The following CREB3L2 variants were observed in gnomAD, a reference collection of about 807,000 sequenced individuals.
CREB3L2 encodes the protein cyclic AMP-responsive element-binding protein 3-like protein 2.
Under a neutral mutation model 57.2 loss-of-function variants are expected in CREB3L2, and 23 were observed. The ratio of observed to expected loss-of-function variants is 0.40; its 90% CI spans 0.29 to 0.57. The LOEUF (loss-of-function observed/expected upper bound fraction) is 0.57, where lower values mean the gene tolerates loss of function less well. CREB3L2 is among the 20% of genes least tolerant of loss of function. The pLI is 0.42. For synonymous variants in CREB3L2, 268 were observed against 265.1 expected (o/e 1.01, Z -0.11); for missense variants, 628 against 634.7 (o/e 0.99, Z 0.11).
chr7:137,920,657 A>G (rs1800254336), intron 2 of CREB3L2, among the ~76,000 whole-genome samples: 1 of 152,242 alleles, frequency 6.6e-6, no homozygotes, highest in Non-Finnish European at 1.5e-5. Flanking sequence ...CATTTCCAAA[A>G]TAATTCTCTA....
intron 1 of CREB3L2, among the ~76,000 whole-genome samples, chr7:137,994,664 G>A (rs1801956766): frequency 6.6e-6 from 1 of 152,100 alleles, no homozygotes; most frequent in Non-Finnish European, 1.5e-5. Flanking sequence ...AACTTTGCTG[G>A]GCCGGACGTG....
intron 4 of CREB3L2, chr7:137,912,694 G>A (rs747871180): frequency 1.9e-5 from 13 of 694,228 alleles, no homozygotes; most frequent in South Asian, 1.4e-4. Flanking sequence ...TCTCTTGTTC[G>A]ATAGTGTTTG....
Position 137,928,244 on chromosome 7 carries a change from A to G in CREB3L2, c.225T>C (p.Pro75=). The G allele has an allele frequency of 6.2e-7, 1 of 1,612,876 alleles. No homozygotes were observed. Among genetic ancestry groups the G allele is most frequent in the Non-Finnish European group, 8.5e-7 (1 of 1,179,498 alleles). The change falls in exon 2 of 12, where the codon CCT becomes CCC. Residue 75 remains proline (P), a synonymous_variant. Transcript: ENST00000330387. The part of the protein sequence containing the change: ...EVEPSPTSPA[P]LIQAEHSYSL... ...AGTAGCTGTGCTCAGCCTGGATGAG[A>G]GGCGCCGGGGACGTCGGGGAAGGTT...
chr7:137,949,338 G>A lies in CREB3L2; in HGVS notation c.103-20972C>T, dbSNP rs75424786. Among the ~76,000 whole-genome samples the A allele has an allele frequency of 8.5e-3, 1,300 of 152,262 alleles. 14 individuals carry two copies. Among genetic ancestry groups the A allele is most frequent in the African/African-American group, 0.027 (1,142 of 41,556 alleles). ...AAAAGAACATGTCAGAAACTGTGTC[G>A]TTGTAAGGTGTAAGCCAGATCTCAA... On this transcript the variant is annotated intron_variant, in intron 1 of 11. Coordinates refer to ENST00000330387, the MANE Select transcript of CREB3L2 (RefSeq NM_194071.4).
At chr7:137,968,183 T>C (rs148891826) in intron 1 of CREB3L2, among the ~76,000 whole-genome samples, 14 of 151,970 alleles carry the variant, frequency 9.2e-5, no homozygotes, top group Non-Finnish European at 1.9e-4. Context: ...ACAGCTGATG[T>C]TGCCCTGGAC....
intron 1 of CREB3L2, among the ~76,000 whole-genome samples, chr7:137,943,060 G>T (rs1403455714): frequency 6.6e-6 from 1 of 152,120 alleles, no homozygotes; most frequent in African/African-American, 2.4e-5. Context: ...GAACCAAAAC[G>T]CTTGGGTTTT....
intron 3 of CREB3L2, among the ~76,000 whole-genome samples, chr7:137,913,932 C>T (rs1800069614): frequency 6.6e-6 from 1 of 152,078 alleles, no homozygotes; most frequent in Non-Finnish European, 1.5e-5. Flanking sequence ...GGTCTCTTAT[C>T]CCAGTTCAGC....
intron 1 of CREB3L2, among the ~76,000 whole-genome samples, chr7:137,979,860 A>G (rs1801682188): frequency 6.6e-6 from 1 of 152,242 alleles, no homozygotes; most frequent in African/African-American, 2.4e-5. Context: ...AAATGGAGAC[A>G]GCAGGGAGCC....
At chr7:137,907,771 G>A (rs1052715751) in intron 5 of CREB3L2, among the ~76,000 whole-genome samples, 1 of 152,192 alleles carries the variant, frequency 6.6e-6, no homozygotes, top group African/African-American at 2.4e-5. Context: ...TCTGGGTTAA[G>A]AGTCATATGA....
At chr7:137,978,593 G>C (rs148169996) in intron 1 of CREB3L2, among the ~76,000 whole-genome samples, 2 of 152,152 alleles carry the variant, frequency 1.3e-5, no homozygotes, top group African/African-American at 4.8e-5. Flanking sequence ...ATGTCATATC[G>C]TTTTCAAATA....
At chr7:137,923,035 G>A (rs1800370954) in intron 2 of CREB3L2, among the ~76,000 whole-genome samples, 1 of 152,114 alleles carries the variant, frequency 6.6e-6, no homozygotes, top group South Asian at 2.1e-4. Flanking sequence ...TCTCCCCCTG[G>A]CCCGTTCCTG....
chr7:137,908,309 T>A lies in CREB3L2; in HGVS notation c.711A>T (p.Arg237Ser), dbSNP rs761706677. 7.9e-7 allele frequency: 1 copy of A among 1,257,868 alleles called. No individual in the cohort carries two copies. The highest frequency in any genetic ancestry group is 1.0e-6 in the Non-Finnish European group (1 of 992,468). 77.9% of individuals were successfully genotyped at this position (1,257,868 alleles called of 1,614,324 possible). ...GGGCGGAGGGGGCCCGGGGTGCAGC[T>A]CTGGAGGGGCTGTGGGTCTGAGGCA... ...FSLPQTHSPS[R>S]AAPRAPSALS... The change falls in exon 5 of 12, where the codon AGA becomes AGT. Residue 237 changes from arginine to serine, a missense_variant. Physicochemically the swap from Arg to Ser is moderately radical, Grantham distance 110. Coordinates refer to ENST00000330387, the MANE Select transcript of CREB3L2 (RefSeq NM_194071.4).
At chr7:137,986,791 T>G (rs1318763120) in intron 1 of CREB3L2, among the ~76,000 whole-genome samples, 2 of 152,244 alleles carry the variant, frequency 1.3e-5, no homozygotes, top group Non-Finnish European at 2.9e-5. Context: ...AAGGAAACAC[T>G]GGATTTCGAC....
At chr7:137,885,357 G>A (rs1799392903) in intron 9 of CREB3L2, 46 bp downstream of exon 9, 1 of 1,506,702 alleles carries the variant, frequency 6.6e-7, no homozygotes, top group South Asian at 1.1e-5. Context: ...GGGAGACAGG[G>A]GCCAGGCCAG....
intron 1 of CREB3L2, among the ~76,000 whole-genome samples, chr7:137,962,986 T>A (rs1801350852): frequency 6.6e-6 from 1 of 152,254 alleles, no homozygotes; most frequent in Non-Finnish European, 1.5e-5. Flanking sequence ...TTTTGGATAC[T>A]GATCTGACAT....
chr7:137,972,245 C>T (rs1233554841), intron 1 of CREB3L2, among the ~76,000 whole-genome samples: 1 of 151,878 alleles, frequency 6.6e-6, no homozygotes, highest in Non-Finnish European at 1.5e-5. Flanking sequence ...TCGAGACCAG[C>T]CTGGCCAACA....
chr7:137,895,957 G>C (rs1799620605), intron 8 of CREB3L2, among the ~76,000 whole-genome samples: 6 of 152,174 alleles, frequency 3.9e-5, no homozygotes, highest in African/African-American at 1.4e-4. Context: ...AGCATCAACA[G>C]GAACACACAC....
At chr7:137,926,278 A>ACG (rs1473421389) in intron 2 of CREB3L2, among the ~76,000 whole-genome samples, 4 of 152,188 alleles carry the variant, frequency 2.6e-5, no homozygotes, top group African/African-American at 9.7e-5. Context: ...AGACACATGC[A>ACG]CGCGTATGTT....
At chr7:137,909,277 T>C (rs1267177580) in intron 4 of CREB3L2, among the ~76,000 whole-genome samples, 1 of 152,148 alleles carries the variant, frequency 6.6e-6, no homozygotes, top group Non-Finnish European at 1.5e-5. Flanking sequence ...CTTTCTCCTC[T>C]AAAGTCTCCC....
Sources: allele counts gnomAD v4.1 joint callset (sites outside exome capture counted in the v4.1 genomes callset), GRCh38; gene constraint gnomAD v4.1.1; transcripts MANE v1.5; gene names NCBI Gene and HGNC (gene_info 2026-07-23, HGNC 2026-07-21).